Variants in TEAD3 observed in about 807,000 individuals in gnomAD.
TEAD3 encodes TEA domain transcription factor 3, also known as transcriptional enhancer factor TEF-5.
Under a neutral mutation model 55.6 loss-of-function variants are expected in TEAD3, and 15 were observed. The observed-to-expected ratio is 0.27, with a 90% confidence interval of 0.18 to 0.42. The LOEUF is 0.42. TEAD3 is among the 10% of genes least tolerant of loss of function. The pLI, the probability that TEAD3 is intolerant of heterozygous loss-of-function variation, is 1.00. For missense variants in TEAD3, 407 were observed against 576.8 expected (o/e 0.71, Z 3.01); for synonymous variants, 210 against 232.2 (o/e 0.90, Z 0.87).
At chr6:35,493,772 C>T (rs756095685) in intron 1 of TEAD3, among the ~76,000 whole-genome samples, 3 of 152,370 alleles carry the variant, frequency 2.0e-5, no homozygotes, top group East Asian at 1.9e-4. Flanking sequence ...CACGCACACG[C>T]GCCCGCGCGC....
At position 35,480,245 on chromosome 6, in the gene TEAD3, T is replaced by C; in HGVS notation, c.268-123A>G. 1.9e-6 allele frequency: 3 copies of C among 1,583,446 alleles called. No individual in the cohort carries two copies. The South Asian group carries it at 3.4e-5, about 18-fold the overall frequency. ...GCTGGCCAAGGAAAGGCCTGAGCTA[T>C]GCAGAGATAGCGCCGTGGGTGAGGG... is the stretch of plus-strand genomic sequence containing the variant. On this transcript the variant is annotated intron_variant, in intron 3 of 12. Coordinates refer to ENST00000639578, the Ensembl canonical transcript of TEAD3.
chr6:35,475,967 C>A lies in TEAD3; in HGVS notation c.852G>T (p.Glu284Asp). Residue 284 changes from glutamate (E) to aspartate (D), a missense_variant, in exon 10 of 13, where the codon GAG (glutamate) becomes GAT (aspartate). Physicochemically the swap from Glu to Asp is conservative, Grantham distance 45 (BLOSUM62 2). Coordinates refer to ENST00000639578, the Ensembl canonical transcript of TEAD3. This position sits in a 1 kb window ranked among gnomAD's most constrained non-coding sequence, Gnocchi z 5.4. The stretch of plus-strand genomic sequence containing the variant: ...CATTAGGGGGCCCCTTCTCATAGAG[C>A]TCCTTCAATCCTCCCTTTTTCTCGG... 1 of 1,557,806 alleles carries A rather than the reference C, an allele frequency of 6.4e-7. No homozygotes were observed. Among genetic ancestry groups the A allele is most frequent in the South Asian group, 1.2e-5 (1 of 82,140 alleles).
chr6:35,478,703 TTCCAGC>T lies in TEAD3; in HGVS notation c.343-138_343-133del. On this transcript the variant is annotated intron_variant, in intron 5 of 12. Transcript: ENST00000639578. ...GTGTTCCTGAAGATCCAGGCCTGGA[TTCCAGC>T]CCCAGCTCTGCTGTGTGATCTTGGG... is the stretch of plus-strand genomic sequence containing the variant. 3 of 1,219,726 alleles carry T rather than the reference TTCCAGC, an allele frequency of 2.5e-6. No individual in the cohort carries two copies. In the African/African-American group the frequency reaches 4.6e-5, roughly 19 times the overall value. 75.6% of individuals were successfully genotyped at this position (1,219,726 alleles called of 1,614,324 possible).
Position 35,486,654 on chromosome 6 carries a change from G to A in TEAD3, c.9C>T (p.Ser3=). The A allele has an allele frequency of 6.2e-7, 1 of 1,612,558 alleles. No homozygotes were observed. The highest frequency in any genetic ancestry group is 8.5e-7 in the Non-Finnish European group (1 of 1,179,728). Residue 3 remains serine (S), a synonymous_variant, in exon 2 of 13, where the codon TCC becomes TCT. Coordinates refer to ENST00000639578, the Ensembl canonical transcript of TEAD3. The surrounding 1 kb of genome is among the most constrained non-coding windows in gnomAD (Gnocchi z 7.3). ...GGCTGCTGCTGGCGTTCCAGCTGTT[G>A]GACGCTATTGTGCTGGTTGCTCTGG...
In TEAD3 at chr6:35,485,792, C is replaced by A. The variant is rs1434056620; in HGVS notation, c.202+669G>T. Among the ~76,000 whole-genome samples, 1 of 152,134 alleles carries A rather than the reference C, an allele frequency of 6.6e-6. No homozygotes were observed. The highest frequency in any genetic ancestry group is 2.4e-5 in the African/African-American group (1 of 41,442). The stretch of plus-strand genomic sequence containing the variant: ...CAGGCGCGCCCTGGGAAGGGCTGGG[C>A]CTGCCTCGCTCAGCCACGGGCTGCT... On this transcript the variant is annotated intron_variant, in intron 2 of 12. Coordinates refer to ENST00000639578, the Ensembl canonical transcript of TEAD3. The surrounding 1 kb of genome is among the most constrained non-coding windows in gnomAD (Gnocchi z 4.3).
At chr6:35,476,159 A>T in intron 9 of TEAD3, 67 bp from the exon 10 acceptor site, 1 of 1,525,818 alleles carries the variant, frequency 6.6e-7, no homozygotes, top group South Asian at 1.3e-5. Context: ...CGGGGAAGGG[A>T]GCACTGCACA....
At chr6:35,490,621 C>T (rs1768494215) in intron 1 of TEAD3, among the ~76,000 whole-genome samples, 1 of 152,198 alleles carries the variant, frequency 6.6e-6, no homozygotes, top group Non-Finnish European at 1.5e-5. Context: ...GGCAGCTGCC[C>T]CCGTCTGGGG....
At chr6:35,492,466 G>A (rs1043679343) in intron 1 of TEAD3, among the ~76,000 whole-genome samples, 4 of 152,212 alleles carry the variant, frequency 2.6e-5, no homozygotes, top group Non-Finnish European at 4.4e-5. Context: ...CAAGGACCCC[G>A]GAGGGACCCT....
In TEAD3 at chr6:35,486,672, T is replaced by TGCTCTGG. The variant is rs753927208; in HGVS notation, c.-17_-11dup. On this transcript the variant is annotated 5_prime_UTR_variant, in exon 2 of 13. Coordinates refer to ENST00000639578, the Ensembl canonical transcript of TEAD3. This position sits in a 1 kb window ranked among gnomAD's most constrained non-coding sequence, Gnocchi z 7.3. ...AGCTGTTGGACGCTATTGTGCTGGTTGCTCTGGGCTCTGGGCCTGAGCCCA... is the reference window on the plus strand; with the variant it reads ...AGCTGTTGGACGCTATTGTGCTGGTTGCTCTGGGCTCTGGGCTCTGGGCCTGAGCCCA... 26 of 1,610,452 alleles carry TGCTCTGG rather than the reference T, an allele frequency of 1.6e-5. No individual in the cohort carries two copies. Among genetic ancestry groups the TGCTCTGG allele is most frequent in the South Asian group, 5.5e-5 (5 of 91,038 alleles).
intron 4 of TEAD3, 42 bp from the exon 5 acceptor site, chr6:35,479,358 G>A: frequency 6.2e-7 from 1 of 1,613,416 alleles, no homozygotes; most frequent in Non-Finnish European, 8.5e-7. Flanking sequence ...GACATGTGCA[G>A]CACCAGGGCT....
At chr6:35,478,500 A>T (rs772846774) in exon 6 of TEAD3, 6 of 1,611,476 alleles carry the variant, frequency 3.7e-6, no homozygotes, top group Non-Finnish European at 5.1e-6. Context: ...TCTGCAGGAC[A>T]CTGGCAGAGA....
intron 1 of TEAD3, among the ~76,000 whole-genome samples, chr6:35,490,870 G>A (rs554027833): frequency 4.4e-4 from 67 of 152,308 alleles, no homozygotes; most frequent in African/African-American, 1.6e-3. Context: ...GACTGCGGGC[G>A]AGAGGGCAAG....
At position 35,475,896 on chromosome 6, in the gene TEAD3, C is replaced by G; in HGVS notation, c.900+23G>C. 6.6e-7 allele frequency: 1 copy of G among 1,515,460 alleles called. No individual in the cohort carries two copies. The highest frequency in any genetic ancestry group is 1.3e-5 in the South Asian group (1 of 75,892). The allele number at this position is 1,515,460 out of a possible 1,614,324, so 93.9% of individuals were successfully genotyped here. Reference sequence around the variant, plus strand: ...CTGGGGTGGGGAAGGGGGCTTGGAGCAGAGAAGGCCAGGGGGACTCACCCA... The same window carrying G: ...CTGGGGTGGGGAAGGGGGCTTGGAGGAGAGAAGGCCAGGGGGACTCACCCA... On this transcript the variant is annotated intron_variant, in intron 10 of 12. Coordinates refer to ENST00000639578, the Ensembl canonical transcript of TEAD3. This position sits in a 1 kb window ranked among gnomAD's most constrained non-coding sequence, Gnocchi z 5.4.
rs549970732 is a variant in TEAD3, at chr6:35,475,764, C to G, written c.901-58G>C. On this transcript the variant is annotated intron_variant, in intron 10 of 12. Coordinates refer to ENST00000639578, the Ensembl canonical transcript of TEAD3. The surrounding 1 kb of genome is among the most constrained non-coding windows in gnomAD (Gnocchi z 5.4). The stretch of plus-strand genomic sequence containing the variant: ...GCAGAGACCAGAAGTATTCCCGCCA[C>G]ACCACATCAGAGTCCTGCCCAAGGA... 7 of 1,527,122 alleles carry G rather than the reference C, an allele frequency of 4.6e-6. No homozygotes were observed. In the South Asian group the frequency reaches 9.1e-5, roughly 20 times the overall value. The allele number at this position is 1,527,122 out of a possible 1,614,324, so 94.6% of individuals were successfully genotyped here.
In TEAD3 at chr6:35,483,109, T is replaced by C. The variant is rs1258119298; in HGVS notation, c.267+1451A>G. On this transcript the variant is annotated intron_variant, in intron 3 of 12. Transcript: ENST00000639578. The surrounding 1 kb of genome is among the most constrained non-coding windows in gnomAD (Gnocchi z 4.5). ...CTCTGGCGCACGCCTCCATGTGGTA[T>C]CCCTGGTGCCTAGAACACAGCAGTA... 6.6e-6 allele frequency among the ~76,000 whole-genome samples: 1 copy of C among 152,212 alleles called. No homozygotes were observed. Among genetic ancestry groups the C allele is most frequent in the Non-Finnish European group, 1.5e-5 (1 of 68,032 alleles).
chr6:35,473,990 G>A (rs752535674), downstream of TEAD3: 1 of 152,438 alleles, frequency 6.6e-6, no homozygotes, highest in Non-Finnish European at 1.5e-5. Flanking sequence ...AACTGGGTCT[G>A]GGAGCTGCTA....
chr6:35,479,029 G>A (rs1019874462), intron 5 of TEAD3, among the ~76,000 whole-genome samples: 5 of 151,928 alleles, frequency 3.3e-5, no homozygotes, highest in Non-Finnish European at 4.4e-5. Flanking sequence ...ACAGGCATTC[G>A]TCACCATGCC....
chr6:35,475,717 G>A lies in TEAD3; in HGVS notation c.901-11C>T. ...GCTGTTGAGGTCGGCCTGGGCATGGGGGTGGGGGGTGTTAGGTGCTGGCAG... is the reference window on the plus strand; with the variant it reads ...GCTGTTGAGGTCGGCCTGGGCATGGAGGTGGGGGGTGTTAGGTGCTGGCAG... On this transcript the variant is annotated splice_polypyrimidine_tract_variant and intron_variant, in intron 10 of 12. Transcript: ENST00000639578. The surrounding 1 kb of genome is among the most constrained non-coding windows in gnomAD (Gnocchi z 5.4). 1 of 1,573,390 alleles carries A rather than the reference G, an allele frequency of 6.4e-7. No homozygotes were observed. The highest frequency in any genetic ancestry group is 8.6e-7 in the Non-Finnish European group (1 of 1,158,964).
Position 35,486,327 on chromosome 6 carries a change from C to G in TEAD3, c.202+134G>C. Reference sequence around the variant, plus strand: ...ATGAGGAGGAGCGCGGAGGAGGATCCAGACACACAGGCTTGCGCGCCCAGA... The same window carrying G: ...ATGAGGAGGAGCGCGGAGGAGGATCGAGACACACAGGCTTGCGCGCCCAGA... On this transcript the variant is annotated intron_variant, in intron 2 of 12. Coordinates refer to ENST00000639578, the Ensembl canonical transcript of TEAD3. This position sits in a 1 kb window ranked among gnomAD's most constrained non-coding sequence, Gnocchi z 7.3. 1 of 1,074,970 alleles carries G rather than the reference C, an allele frequency of 9.3e-7. No individual in the cohort carries two copies. 66.6% of individuals were successfully genotyped at this position (1,074,970 alleles called of 1,614,324 possible). A position where few individuals can be genotyped will look rare whatever the true frequency, so the allele number is the denominator to read the frequency against.
Sources: allele counts gnomAD v4.1 joint callset (sites outside exome capture counted in the v4.1 genomes callset), GRCh38; gene constraint gnomAD v4.1.1; non-coding constraint Gnocchi (gnomAD v3.1); transcripts MANE v1.5; gene names NCBI Gene and HGNC (gene_info 2026-07-23, HGNC 2026-07-21).